Variants in NCOR2 observed in about 807,000 individuals in gnomAD.
The protein encoded by NCOR2 is CTG repeat protein 26.
NCOR2 carries 81 observed loss-of-function variants against 262.9 expected under a neutral mutation model. The observed-to-expected ratio is 0.31, with a 90% CI of 0.26 to 0.37. The LOEUF is 0.37. Ranked by LOEUF, NCOR2 falls within the 10% of genes least tolerant of loss-of-function variation. NCOR2 has a pLI of 1.00. For synonymous variants in NCOR2, 1,659 were observed against 1,559.3 expected (o/e 1.06, Z -1.51); for missense variants, 3,385 against 3,621.4 (o/e 0.93, Z 1.68).
At chr12:124,511,099 A>T (rs2049369518) in intron 1 of NCOR2, among the ~76,000 whole-genome samples, 1 of 152,210 alleles carries the variant, frequency 6.6e-6, no homozygotes, top group Non-Finnish European at 1.5e-5. Context: ...GCAGACGTGG[A>T]GCTGAAGCTC....
chr12:124,529,179 C>CAAAAAAAA (rs148397454), intron 1 of NCOR2, among the ~76,000 whole-genome samples: 2 of 52,180 alleles, frequency 3.8e-5, no homozygotes, highest in African/African-American at 8.0e-5. Context: ...AACTCCGACT[C>CAAAAAAAA]AAAAAAAAAA....
intron 5 of NCOR2, among the ~76,000 whole-genome samples, chr12:124,458,892 G>C (rs889586561): frequency 2.0e-5 from 3 of 152,156 alleles, no homozygotes; most frequent in Non-Finnish European, 4.4e-5. Flanking sequence ...GGGTACTGAA[G>C]ATGGGAGAAC....
intron 4 of NCOR2, among the ~76,000 whole-genome samples, chr12:124,469,734 G>A (rs959709169): frequency 6.6e-6 from 1 of 152,226 alleles, no homozygotes; most frequent in East Asian, 1.9e-4. Flanking sequence ...AGATCAAGGA[G>A]ATAATGCTGA....
chr12:124,553,181 C>T (rs1238583989), intron 1 of NCOR2, among the ~76,000 whole-genome samples: 5 of 152,124 alleles, frequency 3.3e-5, no homozygotes, highest in South Asian at 2.1e-4. Flanking sequence ...AAGCCAGCAA[C>T]GCAGCATCTT....
chr12:124,429,626 A>G (rs772011833), exon 10 of NCOR2: 2 of 1,606,218 alleles, frequency 1.2e-6, no homozygotes, highest in Non-Finnish European at 1.7e-6. Context: ...CTGCTCTGAG[A>G]GGCCATCGAT....
At chr12:124,353,249 G>A (rs1432402705) in intron 27 of NCOR2, among the ~76,000 whole-genome samples, 3 of 152,228 alleles carry the variant, frequency 2.0e-5, no homozygotes, top group East Asian at 1.9e-4. Flanking sequence ...AAGGGGAAAC[G>A]GAGTCAGGGC....
chr12:124,358,898 C>T (rs974299212), intron 22 of NCOR2, among the ~76,000 whole-genome samples: 13 of 152,320 alleles, frequency 8.5e-5, no homozygotes, highest in East Asian at 1.9e-4. Context: ...ATTTCACAGA[C>T]GGGAAAATGG....
chr12:124,523,337 G>A lies in NCOR2; in HGVS notation c.-118+12228C>T, dbSNP rs376384697. Among the ~76,000 whole-genome samples, 8 of 152,266 alleles carry A rather than the reference G, an allele frequency of 5.3e-5. No individual in the cohort carries two copies. The highest frequency in any genetic ancestry group is 4.1e-4 in the South Asian group (2 of 4,830). On this transcript the variant is annotated intron_variant, in intron 1 of 46. Coordinates refer to the NCOR2 transcript ENST00000404621. This position sits in a 1 kb window ranked among gnomAD's most constrained non-coding sequence, Gnocchi z 4.0. ...GACGGCTGGGGGCAGGGGGCAGGTG[G>A]CTGCCTGTTCTGGGGCTCCTGGGAA...
exon 39 of NCOR2, chr12:124,335,504 C>G: frequency 6.2e-7 from 1 of 1,607,334 alleles, no homozygotes. Flanking sequence ...GGCCGCAGCT[C>G]CCCCTCCAGG....
intron 7 of NCOR2, among the ~76,000 whole-genome samples, chr12:124,445,184 G>A (rs779612324): frequency 2.0e-5 from 3 of 152,222 alleles, no homozygotes; most frequent in Non-Finnish European, 2.9e-5. Context: ...GAATGTGCCT[G>A]AGCGCCATCT....
chr12:124,372,409 G>A lies in NCOR2; in HGVS notation c.2420C>T (p.Thr807Met), dbSNP rs757849016. 1.7e-5 allele frequency: 26 copies of A among 1,502,340 alleles called. No individual in the cohort carries two copies. The highest frequency in any genetic ancestry group is 2.1e-4 in the Middle Eastern group (1 of 4,844). The allele number at this position is 1,502,340 out of a possible 1,614,324, so 93.1% of individuals were successfully genotyped here. ...GGGCGATGGGGGTGCTGGTGGGGGC[G>A]TAGGGGCTCCGGTGGCTTCAGAGGC... Residue 807 changes from threonine to methionine, a missense_variant, in exon 20 of 47, where the codon ACG becomes ATG. Thr to Met is a moderately conservative substitution (Grantham distance 81). Coordinates refer to ENST00000405201, the Ensembl canonical transcript of NCOR2.
chr12:124,329,577 C>CA (rs1434305070), intron 44 of NCOR2, among the ~76,000 whole-genome samples: 1 of 151,958 alleles, frequency 6.6e-6, no homozygotes, highest in African/African-American at 2.4e-5. Context: ...CCTGTCTCTA[C>CA]AAAAAAGATA....
At chr12:124,521,726 G>A (rs888468289) in intron 1 of NCOR2, among the ~76,000 whole-genome samples, 9 of 152,168 alleles carry the variant, frequency 5.9e-5, no homozygotes, top group Admixed American at 2.6e-4. Context: ...AACTGTTCAT[G>A]TTAAAATGGT....
chr12:124,349,424 G>A (rs1387288262), intron 28 of NCOR2, among the ~76,000 whole-genome samples: 2 of 152,174 alleles, frequency 1.3e-5, no homozygotes, highest in South Asian at 2.1e-4. Flanking sequence ...GCCAACAGGA[G>A]GGTACTAGGT....
upstream of NCOR2, chr12:124,538,012 AGCCACCT>A (rs1200625495): frequency 6.6e-6 from 1 of 152,222 alleles, no homozygotes; most frequent in African/African-American, 2.4e-5. Context: ...CTCGGTGGCC[AGCCACCT>A]GCAGCACGTC....
At chr12:124,433,839 C>A (rs2044132919) in intron 8 of NCOR2, among the ~76,000 whole-genome samples, 1 of 150,340 alleles carries the variant, frequency 6.7e-6, no homozygotes. Context: ...CTCCCTCTCT[C>A]TGTCTTACAC....
intron 1 of NCOR2, among the ~76,000 whole-genome samples, chr12:124,564,777 C>T (rs1397134677): frequency 6.6e-6 from 1 of 152,104 alleles, no homozygotes; most frequent in East Asian, 1.9e-4. Flanking sequence ...ACTATGAATG[C>T]GCCCCCTCTC....
In NCOR2 at chr12:124,429,748, G is replaced by T. The variant is rs140012571; in HGVS notation, c.1056-42C>A. On this transcript the variant is annotated intron_variant, in intron 9 of 46. Transcript: ENST00000405201. ...CACACTCAGGACCGGTCTTCTGGTG[G>T]TCGGGGACACTAGCAGACCCCTGTG... 1,644 of 1,533,340 alleles carry T rather than the reference G, an allele frequency of 1.1e-3. 27 individuals carry two copies. In the African/African-American group the frequency reaches 0.02, roughly 19 times the overall value. 95.0% of individuals were successfully genotyped at this position (1,533,340 alleles called of 1,614,324 possible).
At chr12:124,477,626 C>T (rs1373009581) in intron 3 of NCOR2, among the ~76,000 whole-genome samples, 2 of 152,168 alleles carry the variant, frequency 1.3e-5, no homozygotes, top group East Asian at 3.9e-4. Context: ...TTTTTGTGAA[C>T]CGACCCTCAA....
Sources: gnomAD v4.1 joint callset for allele counts (sites outside exome capture counted in the v4.1 genomes callset) on GRCh38, gnomAD v4.1.1 for gene constraint, Gnocchi (gnomAD v3.1) non-coding constraint, MANE v1.5 for transcripts, NCBI Gene and HGNC (gene_info 2026-07-23, HGNC 2026-07-21) for gene names.